SLC35F1: variants seen among roughly 807,000 people sequenced by gnomAD.
SLC35F1 encodes the protein chromosome 6 open reading frame 169.
In SLC35F1, 14 loss-of-function variants were observed where a neutral mutation model predicts 48.7. The observed-to-expected ratio is 0.29, with a 90% CI of 0.19 to 0.45. The LOEUF is 0.45. Among genes scored for constraint, SLC35F1 ranks in the 20% least tolerant of loss-of-function variants. The pLI, the probability that SLC35F1 is intolerant of heterozygous loss-of-function variation, is 1.00. For missense variants in SLC35F1, 404 were observed against 500.0 expected, an observed-to-expected ratio of 0.81 and a Z score of 1.83; for synonymous variants, 190 against 202.2, an observed-to-expected ratio of 0.94 and a Z score of 0.51.
At chr6:118,275,767 T>C (rs1775911678) in intron 5 of SLC35F1, 152 bp downstream of exon 5, 4 of 573,722 alleles carry the variant, frequency 7.0e-6, no homozygotes, top group Non-Finnish European at 1.2e-5. Context: ...TCAATATCTT[T>C]ATTAGTAAAT....
intron 6 of SLC35F1, among the ~76,000 whole-genome samples, chr6:118,279,422 A>G (rs943406190): frequency 3.3e-5 from 5 of 152,240 alleles, no homozygotes; most frequent in African/African-American, 4.8e-5. Flanking sequence ...GCCCTGACCT[A>G]CTGCAAGGTT....
At chr6:118,047,803 T>A (rs1772322119) in intron 1 of SLC35F1, among the ~76,000 whole-genome samples, 1 of 152,112 alleles carries the variant, frequency 6.6e-6, no homozygotes, top group Middle Eastern at 3.4e-3. Flanking sequence ...ATGTTGGGAG[T>A]GGATAAAGAC....
chr6:117,972,850 A>G (rs1240920609), intron 1 of SLC35F1, among the ~76,000 whole-genome samples: 1 of 152,192 alleles, frequency 6.6e-6, no homozygotes, highest in African/African-American at 2.4e-5. Context: ...GATCCCCATT[A>G]TAAAATTAGG....
chr6:118,020,189 G>A (rs1777375401), intron 1 of SLC35F1, among the ~76,000 whole-genome samples: 2 of 152,120 alleles, frequency 1.3e-5, no homozygotes, highest in Admixed American at 1.3e-4. Flanking sequence ...AATATCAGAG[G>A]CTGGCCTTTG....
At chr6:118,278,374 T>G (rs1775943296) in intron 6 of SLC35F1, among the ~76,000 whole-genome samples, 1 of 152,170 alleles carries the variant, frequency 6.6e-6, no homozygotes, top group Admixed American at 6.5e-5. Flanking sequence ...ATCTCCCCCT[T>G]ATATGACCTT....
At chr6:118,092,077 G>A (rs1004196473) in intron 1 of SLC35F1, among the ~76,000 whole-genome samples, 6 of 152,164 alleles carry the variant, frequency 3.9e-5, no homozygotes, top group African/African-American at 7.2e-5. Flanking sequence ...AGAAAAAACC[G>A]TTTTCTGAGG....
Position 118,317,143 on chromosome 6 carries a change from A to C in SLC35F1, c.*2891A>C, listed in dbSNP as rs1302860660. 2.0e-5 allele frequency: 3 copies of C among 152,606 alleles called. No individual in the cohort carries two copies. The highest frequency in any genetic ancestry group is 4.4e-5 in the Non-Finnish European group (3 of 68,042). 9.5% of individuals were successfully genotyped at this position (152,606 alleles called of 1,614,324 possible). Reference sequence around the variant, plus strand: ...TTTATATAGAATTTGATCAGGTAAGAGCGAACCACAATTCTCCTGAACCCT... The same window carrying C: ...TTTATATAGAATTTGATCAGGTAAGCGCGAACCACAATTCTCCTGAACCCT... On this transcript the variant is annotated 3_prime_UTR_variant, in exon 8 of 8. Transcript: ENST00000360388.
At chr6:118,253,903 G>A (rs1264290206) in intron 3 of SLC35F1, among the ~76,000 whole-genome samples, 1 of 151,936 alleles carries the variant, frequency 6.6e-6, no homozygotes, top group African/African-American at 2.4e-5. Context: ...AAGAGGAAAA[G>A]ATAAATAGCT....
intron 1 of SLC35F1, among the ~76,000 whole-genome samples, chr6:117,950,005 A>AT (rs1776342869): frequency 6.6e-6 from 1 of 152,004 alleles, no homozygotes; most frequent in Non-Finnish European, 1.5e-5. Context: ...CTTTTGGTGT[A>AT]TGTAGCTTTT....
At chr6:118,216,937 G>A (rs985622008) in intron 2 of SLC35F1, among the ~76,000 whole-genome samples, 26 of 152,094 alleles carry the variant, frequency 1.7e-4, no homozygotes, top group Non-Finnish European at 2.6e-4. Context: ...CTTAAGTTGA[G>A]TTAGATTCCA....
intron 6 of SLC35F1, 72 bp from the exon 7 acceptor site, chr6:118,285,112 C>T (rs971028167): frequency 6.4e-7 from 1 of 1,554,150 alleles, no homozygotes; most frequent in African/African-American, 1.4e-5. Flanking sequence ...TCTTCCCCTT[C>T]TTTCCTGCTG....
intron 1 of SLC35F1, among the ~76,000 whole-genome samples, chr6:118,098,863 A>T (rs1773216182): frequency 6.6e-6 from 1 of 152,174 alleles, no homozygotes; most frequent in Non-Finnish European, 1.5e-5. Context: ...ACACATGAAG[A>T]GGAGAAGCAG....
intron 7 of SLC35F1, among the ~76,000 whole-genome samples, chr6:118,291,755 A>G (rs1290822140): frequency 6.6e-6 from 1 of 152,166 alleles, no homozygotes; most frequent in African/African-American, 2.4e-5. Flanking sequence ...CAGGAGAGGC[A>G]TCTTTAAACT....
chr6:117,946,408 T>C (rs894043383), intron 1 of SLC35F1, among the ~76,000 whole-genome samples: 4 of 151,860 alleles, frequency 2.6e-5, no homozygotes, highest in Admixed American at 1.3e-4. Flanking sequence ...CAAATAAGAG[T>C]CAGCTGAAGT....
intron 1 of SLC35F1, among the ~76,000 whole-genome samples, chr6:117,984,473 G>A (rs1776823076): frequency 2.2e-5 from 3 of 134,916 alleles, no homozygotes; most frequent in Non-Finnish European, 4.6e-5. Context: ...CACTCTGGGC[G>A]ACAGAGCAAG....
At chr6:117,923,709 A>ACATGTGTACATATATACATATG (rs1775961088) in intron 1 of SLC35F1, among the ~76,000 whole-genome samples, 1 of 70,718 alleles carries the variant, frequency 1.4e-5, no homozygotes, top group African/African-American at 4.5e-5. Context: ...ACATATATGT[A>ACATGTGTACATATATACATATG]CATATATACA....
intron 1 of SLC35F1, among the ~76,000 whole-genome samples, chr6:118,086,649 C>T (rs1246834707): frequency 1.3e-5 from 2 of 152,204 alleles, no homozygotes; most frequent in Admixed American, 1.3e-4. Context: ...TCTTTGGCTA[C>T]CAGCTCTAAT....
At chr6:118,298,196 A>G (rs1197209771) in intron 7 of SLC35F1, among the ~76,000 whole-genome samples, 1 of 152,186 alleles carries the variant, frequency 6.6e-6, no homozygotes, top group African/African-American at 2.4e-5. Flanking sequence ...ATCCAGTCTC[A>G]GATATTCCTT....
chr6:118,037,760 A>C lies in SLC35F1; in HGVS notation c.174-116685A>C, dbSNP rs564036543. Reference sequence around the variant, plus strand: ...TGAAAACCATCATTCTCAGCAAACTAACACAGGAAAAGAAAACCAAACACT... The same window carrying C: ...TGAAAACCATCATTCTCAGCAAACTCACACAGGAAAAGAAAACCAAACACT... On this transcript the variant is annotated intron_variant, in intron 1 of 7. Transcript: ENST00000360388. Among the ~76,000 whole-genome samples, 11 of 152,178 alleles carry C rather than the reference A, an allele frequency of 7.2e-5. No individual in the cohort carries two copies. The South Asian group carries it at 2.3e-3, about 32-fold the overall frequency.
Sources: gnomAD v4.1 joint callset for allele counts (sites outside exome capture counted in the v4.1 genomes callset) on GRCh38, gnomAD v4.1.1 for gene constraint, MANE v1.5 for transcripts, NCBI Gene and HGNC (gene_info 2026-07-23, HGNC 2026-07-21) for gene names.